The following SGTA variants were observed in gnomAD, a reference collection of about 807,000 sequenced individuals.
SGTA encodes the protein small glutamine rich tetratricopeptide repeat co-chaperone alpha, also known as small glutamine-rich tetratricopeptide repeat-containing protein alpha.
SGTA carries 22 observed loss-of-function variants against 44.3 expected under a neutral mutation model. The observed-to-expected ratio is 0.50, with a 90% CI of 0.36 to 0.71. SGTA has a LOEUF of 0.71. Among genes scored for constraint, SGTA ranks in the 30% least tolerant of loss-of-function variants. The probability of loss-of-function intolerance (pLI) is 0.00; values close to 1 mark genes in which losing one functional copy is unlikely to be tolerated. For missense variants in SGTA, 341 were observed against 435.9 expected, an observed-to-expected ratio of 0.78 and a Z score of 1.94; for synonymous variants, 174 against 177.6, an observed-to-expected ratio of 0.98 and a Z score of 0.16.
Position 2,767,998 on chromosome 19 carries a change from G to T in SGTA, c.101-312C>A, listed in dbSNP as rs1389896359. On this transcript the variant is annotated intron_variant, in intron 2 of 11. Coordinates refer to ENST00000221566, the MANE Select transcript of SGTA (RefSeq NM_003021.4). The surrounding 1 kb of genome is among the most constrained non-coding windows in gnomAD (Gnocchi z 7.3). ...GGCTGCCCGGCTGCGGCGTGGTGGG[G>T]GCTTGGCCCCACCTGGAGGGCCACG... 6.6e-6 allele frequency among the ~76,000 whole-genome samples: 1 copy of T among 152,176 alleles called. No individual in the cohort carries two copies.
chr19:2,772,736 G>A (rs1915341302), intron 1 of SGTA, among the ~76,000 whole-genome samples: 1 of 152,262 alleles, frequency 6.6e-6, no homozygotes, highest in Admixed American at 6.5e-5. Flanking sequence ...CATGCACAGG[G>A]AGAACACTGT....
chr19:2,764,820 G>C (rs1915095124), intron 5 of SGTA, among the ~76,000 whole-genome samples: 1 of 152,104 alleles, frequency 6.6e-6, no homozygotes, highest in Non-Finnish European at 1.5e-5. Flanking sequence ...CCCCGCCTCA[G>C]CCTCCCAAAG....
At chr19:2,756,736 T>G (rs919237818) in intron 11 of SGTA, among the ~76,000 whole-genome samples, 1 of 151,724 alleles carries the variant, frequency 6.6e-6, no homozygotes, top group African/African-American at 2.4e-5. Flanking sequence ...CGGACAGGAC[T>G]GAACTCAGGG....
At position 2,767,710 on chromosome 19, in the gene SGTA, C is replaced by A; in HGVS notation, c.101-24G>T. ...GACTGAAGCGGGGACAGAGGCGGTC[C>A]CATTCATTGCACGCAGCCCCGAGGT... On this transcript the variant is annotated intron_variant, in intron 2 of 11. Transcript: ENST00000221566. The surrounding 1 kb of genome is among the most constrained non-coding windows in gnomAD (Gnocchi z 7.3). 1 of 1,577,740 alleles carries A rather than the reference C, an allele frequency of 6.3e-7. No individual in the cohort carries two copies. Among genetic ancestry groups the A allele is most frequent in the Non-Finnish European group, 8.7e-7 (1 of 1,147,526 alleles).
chr19:2,774,150 G>A (rs966616793), intron 1 of SGTA, among the ~76,000 whole-genome samples: 2 of 152,220 alleles, frequency 1.3e-5, no homozygotes, highest in Admixed American at 6.5e-5. Flanking sequence ...CTCTGTCACC[G>A]CGGCCCCAGC....
rs1330635525 is a variant in SGTA at position 2,763,449 on chromosome 19, G to GC, written c.497+203dup. On this transcript the variant is annotated intron_variant, in intron 6 of 11. Transcript: ENST00000221566. The surrounding 1 kb of genome is among the most constrained non-coding windows in gnomAD (Gnocchi z 5.8). ...CAAGGGGCCCAGGGATCTCCGGGTG[G>GC]CACCTGATGCGGGGCGTCTGTGGGG... 6.6e-6 allele frequency among the ~76,000 whole-genome samples: 1 copy of GC among 152,208 alleles called. No homozygotes were observed. The highest frequency in any genetic ancestry group is 1.5e-5 in the Non-Finnish European group (1 of 68,036).
rs1301260550 is a variant in SGTA at position 2,763,609 on chromosome 19, G to T, written c.497+44C>A. 3 of 1,345,546 alleles carry T rather than the reference G, an allele frequency of 2.2e-6. No individual in the cohort carries two copies. The highest frequency in any genetic ancestry group is 3.2e-6 in the Non-Finnish European group (3 of 951,676). 83.4% of individuals were successfully genotyped at this position (1,345,546 alleles called of 1,614,324 possible). A position where few individuals can be genotyped will look rare whatever the true frequency, so the allele number is the denominator to read the frequency against. On this transcript the variant is annotated intron_variant, in intron 6 of 11. Coordinates refer to ENST00000221566, the MANE Select transcript of SGTA (RefSeq NM_003021.4). The surrounding 1 kb of genome is among the most constrained non-coding windows in gnomAD (Gnocchi z 5.8). The stretch of plus-strand genomic sequence containing the variant: ...GAGGAAGCAGGAGCAGGAGAGGAGG[G>T]GTCCCGAGAGACTGGAAAGGCGCGG...
At chr19:2,756,622 A>AG (rs1480664821) in intron 11 of SGTA, among the ~76,000 whole-genome samples, 1 of 152,076 alleles carries the variant, frequency 6.6e-6, no homozygotes, top group African/African-American at 2.4e-5. Flanking sequence ...ACCTCTGGGG[A>AG]GGCCCGGAGC....
In SGTA at chr19:2,765,379, A is replaced by T; in HGVS notation, c.293-94T>A. On this transcript the variant is annotated intron_variant, in intron 4 of 11. Coordinates refer to ENST00000221566, the MANE Select transcript of SGTA (RefSeq NM_003021.4). The surrounding 1 kb of genome is among the most constrained non-coding windows in gnomAD (Gnocchi z 5.5). ...AAACACCGGCCTGGTGTCCACACAG[A>T]CCCGAGGGGGCGTCACACTTGGCTC... is the stretch of plus-strand genomic sequence containing the variant. 1 of 911,468 alleles carries T rather than the reference A, an allele frequency of 1.1e-6. No homozygotes were observed. Among genetic ancestry groups the T allele is most frequent in the Middle Eastern group, 3.1e-4 (1 of 3,188 alleles). 56.5% of individuals were successfully genotyped at this position (911,468 alleles called of 1,614,324 possible). A position where few individuals can be genotyped will look rare whatever the true frequency, so the allele number is the denominator to read the frequency against.
rs908454052 is a variant in SGTA, at chr19:2,754,893, T to C, written c.*1047A>G. 6.6e-6 allele frequency: 1 copy of C among 152,226 alleles called. No homozygotes were observed. The highest frequency in any genetic ancestry group is 2.4e-5 in the African/African-American group (1 of 41,422). The allele number at this position is 152,226 out of a possible 1,614,324, so 9.4% of individuals were successfully genotyped here. ...GGCCAGGAGCCAGGGAGCCCCAGGA[T>C]GCTCCGACTGACAACCCTGCTGCTG... On this transcript the variant is annotated 3_prime_UTR_variant, in exon 12 of 12. Coordinates refer to ENST00000221566, the MANE Select transcript of SGTA (RefSeq NM_003021.4). The surrounding 1 kb of genome is among the most constrained non-coding windows in gnomAD (Gnocchi z 4.4).
intron 1 of SGTA, among the ~76,000 whole-genome samples, chr19:2,779,652 G>C (rs999242755): frequency 6.6e-6 from 1 of 152,262 alleles, no homozygotes; most frequent in Non-Finnish European, 1.5e-5. Flanking sequence ...GTGAGGGTGG[G>C]AGGGTGCTGG....
At chr19:2,781,886 G>C (rs1292627955) in intron 1 of SGTA, among the ~76,000 whole-genome samples, 3 of 149,676 alleles carry the variant, frequency 2.0e-5, no homozygotes, top group Admixed American at 2.0e-4. Flanking sequence ...CTGTCGCCCA[G>C]GCTGGAGTGC....
At chr19:2,762,430 G>A in intron 7 of SGTA, 76 bp downstream of exon 7, 2 of 1,483,976 alleles carry the variant, frequency 1.3e-6, no homozygotes, top group African/African-American at 1.4e-5. Context: ...TAGAGCCACT[G>A]GTGCGCCCGA....
chr19:2,763,759 T>G lies in SGTA; in HGVS notation c.393-2A>C. 6.2e-7 allele frequency: 1 copy of G among 1,612,708 alleles called. No homozygotes were observed. On this transcript the variant is annotated splice_acceptor_variant, in intron 5 of 11. Transcript: ENST00000221566. LOFTEE classifies it high-confidence loss of function. This position sits in a 1 kb window ranked among gnomAD's most constrained non-coding sequence, Gnocchi z 5.8. Reference sequence around the variant, plus strand: ...CCGAGTTTGCTGTAGGCTGCGGCTCTGGGGAAGAAAAGGCAGGGCAGGTCC... The same window carrying G: ...CCGAGTTTGCTGTAGGCTGCGGCTCGGGGGAAGAAAAGGCAGGGCAGGTCC...
chr19:2,763,444 G>A lies in SGTA; in HGVS notation c.497+209C>T, dbSNP rs945108333. 3.9e-5 allele frequency among the ~76,000 whole-genome samples: 6 copies of A among 152,280 alleles called. No individual in the cohort carries two copies. Among genetic ancestry groups the A allele is most frequent in the South Asian group, 2.1e-4 (1 of 4,826 alleles). Reference sequence around the variant, plus strand: ...AGAAGCAAGGGGCCCAGGGATCTCCGGGTGGCACCTGATGCGGGGCGTCTG... The same window carrying A: ...AGAAGCAAGGGGCCCAGGGATCTCCAGGTGGCACCTGATGCGGGGCGTCTG... On this transcript the variant is annotated intron_variant, in intron 6 of 11. Transcript: ENST00000221566. This position sits in a 1 kb window ranked among gnomAD's most constrained non-coding sequence, Gnocchi z 5.8.
Position 2,755,971 on chromosome 19 carries a change from G to A in SGTA, c.*7-38C>T. ...AGACATGAAGGCTGTCAGAGCGCAG[G>A]TGGGGACCAAGGCTGCACCACACAC... On this transcript the variant is annotated intron_variant, in intron 11 of 11. Transcript: ENST00000221566. The surrounding 1 kb of genome is among the most constrained non-coding windows in gnomAD (Gnocchi z 5.2). 1 of 981,964 alleles carries A rather than the reference G, an allele frequency of 1.0e-6. No homozygotes were observed. Among genetic ancestry groups the A allele is most frequent in the South Asian group, 4.7e-5 (1 of 21,218 alleles). 60.8% of individuals were successfully genotyped at this position (981,964 alleles called of 1,614,324 possible).
intron 1 of SGTA, among the ~76,000 whole-genome samples, chr19:2,773,920 ACGCGGCCACACGGCAGGGAC>A (rs1474766596): frequency 9.9e-6 from 1 of 100,988 alleles, no homozygotes; most frequent in African/African-American, 6.7e-5. Context: ...GAGATGGGTG[ACGCGGCCACACGGCAGGGAC>A]TCCGAGGGCA....
At chr19:2,762,887 A>G (rs1915039534) in intron 6 of SGTA, among the ~76,000 whole-genome samples, 1 of 152,160 alleles carries the variant, frequency 6.6e-6, no homozygotes, top group South Asian at 2.1e-4. Flanking sequence ...GGCCACACAC[A>G]GGGCCTCAAA....
chr19:2,765,387 G>A lies in SGTA; in HGVS notation c.293-102C>T, dbSNP rs1915109913. The A allele has an allele frequency of 9.5e-6, 8 of 843,718 alleles. No homozygotes were observed. The East Asian group carries it at 1.3e-4, about 14-fold the overall frequency. 52.3% of individuals were successfully genotyped at this position (843,718 alleles called of 1,614,324 possible). ...GCCTGGTGTCCACACAGACCCGAGGGGGCGTCACACTTGGCTCTTCTGGGC... is the reference window on the plus strand; with the variant it reads ...GCCTGGTGTCCACACAGACCCGAGGAGGCGTCACACTTGGCTCTTCTGGGC... On this transcript the variant is annotated intron_variant, in intron 4 of 11. Transcript: ENST00000221566. This position sits in a 1 kb window ranked among gnomAD's most constrained non-coding sequence, Gnocchi z 5.5.
Sources: gnomAD v4.1 joint callset for allele counts (sites outside exome capture counted in the v4.1 genomes callset) on GRCh38, gnomAD v4.1.1 for gene constraint, Gnocchi (gnomAD v3.1) non-coding constraint, MANE v1.5 for transcripts, NCBI Gene and HGNC (gene_info 2026-07-23, HGNC 2026-07-21) for gene names.